Variants in FAM76A observed in about 807,000 individuals in gnomAD.
FAM76A encodes the protein protein FAM76A.
Under a neutral mutation model 46.2 loss-of-function variants are expected in FAM76A, and 32 were observed. That is an observed-to-expected ratio of 0.69 (90% CI 0.52 to 0.93). FAM76A has a LOEUF of 0.93. FAM76A is among the 40% of genes least tolerant of loss of function. FAM76A has a pLI of 0.00. For missense variants in FAM76A, 274 were observed against 361.5 expected (o/e 0.76, Z 1.96); for synonymous variants, 137 against 127.0 (o/e 1.08, Z -0.53).
In FAM76A at chr1:27,727,480, G is replaced by C. The variant is rs748825444; in HGVS notation, c.90G>C (p.Arg30=). The change falls in exon 2 of 9, where the codon CGG becomes CGC. Residue 30 remains arginine (R), a synonymous_variant. Transcript: ENST00000373954. ...TCCTCATTTCATTTCAGGAATGTCG[G>C]ATTGCACACCCTGTTGTGAAGTGCA... ...SQGQQLCKEC[R]IAHPVVKCTY... 1.3e-5 allele frequency: 21 copies of C among 1,613,698 alleles called. 1 individual carries two copies. In the South Asian group the frequency reaches 2.3e-4, roughly 18 times the overall value.
chr1:27,726,184 C>T (rs1001904398), intron 1 of FAM76A, 23 bp downstream of exon 1: 1 of 1,269,530 alleles, frequency 7.9e-7, no homozygotes, highest in Admixed American at 3.7e-5. Flanking sequence ...GGGCGGCGGC[C>T]GGGAACTGGG....
chr1:27,734,477 G>A (rs747292274), intron 4 of FAM76A, among the ~76,000 whole-genome samples: 11 of 152,130 alleles, frequency 7.2e-5, no homozygotes, highest in Non-Finnish European at 1.5e-4. Context: ...AACCCGGGAG[G>A]CAGAGGTTGC....
chr1:27,752,608 C>T lies in FAM76A; in HGVS notation c.600-2587C>T, dbSNP rs1427582709. 2.0e-5 allele frequency among the ~76,000 whole-genome samples: 3 copies of T among 152,290 alleles called. No homozygotes were observed. In the East Asian group the frequency reaches 5.8e-4, roughly 29 times the overall value. ...CTCGTAGTTTCATTTTATTCTCCGTCTGAAATGTGCCTGAAAGATTAATCT... is the reference window on the plus strand; with the variant it reads ...CTCGTAGTTTCATTTTATTCTCCGTTTGAAATGTGCCTGAAAGATTAATCT... On this transcript the variant is annotated intron_variant, in intron 6 of 8. Transcript: ENST00000373954.
rs1571459568 is a variant in FAM76A, at chr1:27,726,053, G to A, written c.-28G>A. On this transcript the variant is annotated 5_prime_UTR_variant, in exon 1 of 9. Transcript: ENST00000373954. ...AGATAAATCGGCGGGCCGGGCCGGC[G>A]GGTCGGTGAGCGCGGCCCGGGCCGG... 27 of 1,247,540 alleles carry A rather than the reference G, an allele frequency of 2.2e-5. No homozygotes were observed. Among genetic ancestry groups the A allele is most frequent in the Non-Finnish European group, 2.3e-5 (23 of 995,100 alleles). 77.3% of individuals were successfully genotyped at this position (1,247,540 alleles called of 1,614,324 possible).
At chr1:27,748,360 G>A (rs185605255) in intron 5 of FAM76A, among the ~76,000 whole-genome samples, 21 of 151,714 alleles carry the variant, frequency 1.4e-4, no homozygotes, top group Admixed American at 1.1e-3. Flanking sequence ...TCCTGACCTC[G>A]TGATCCATCC....
chr1:27,739,794 G>A (rs2088119914), intron 4 of FAM76A, among the ~76,000 whole-genome samples: 3 of 151,886 alleles, frequency 2.0e-5, no homozygotes. Flanking sequence ...TCACAAAAAT[G>A]CATACTTGCT....
At position 27,726,175 on chromosome 1, in the gene FAM76A, G is replaced by A; in HGVS notation, c.81+14G>A. On this transcript the variant is annotated intron_variant, in intron 1 of 8. Coordinates refer to ENST00000373954, the MANE Select transcript of FAM76A (RefSeq NM_152660.3). ...CAGCTGTGCAAGGTGCGCGGGCTGG[G>A]GCGGCGGCCGGGAACTGGGGACGCA... 3 of 1,274,500 alleles carry A rather than the reference G, an allele frequency of 2.4e-6. No homozygotes were observed. Among genetic ancestry groups the A allele is most frequent in the Non-Finnish European group, 3.0e-6 (3 of 1,010,254 alleles). The allele number at this position is 1,274,500 out of a possible 1,614,324, so 78.9% of individuals were successfully genotyped here.
Position 27,744,793 on chromosome 1 carries a change from G to T in FAM76A, c.494G>T (p.Gly165Val). The change falls in exon 5 of 9, where the codon GGT becomes GTT. Residue 165 changes from glycine to valine, a missense_variant. Transcript: ENST00000373954. ...QEKEQYSRLSGGGHYNSQKTL... is the reference protein window; with the variant it reads ...QEKEQYSRLSVGGHYNSQKTL... The stretch of plus-strand genomic sequence containing the variant: ...AAGGAGCAGTATAGTCGCCTGAGTG[G>T]TGGTGGCCATTATAACAGGTAACCT... 2 of 1,614,136 alleles carry T rather than the reference G, an allele frequency of 1.2e-6. No homozygotes were observed. Among genetic ancestry groups the T allele is most frequent in the South Asian group, 1.1e-5 (1 of 91,070 alleles).
chr1:27,731,627 A>G (rs1454310339), intron 2 of FAM76A, among the ~76,000 whole-genome samples: 3 of 152,222 alleles, frequency 2.0e-5, no homozygotes, highest in East Asian at 3.8e-4. Flanking sequence ...CTGAGTTTAT[A>G]TTCCAGACAC....
Position 27,726,153 on chromosome 1 carries a change from C to T in FAM76A, c.73C>T (p.Leu25=). 7.7e-7 allele frequency: 1 copy of T among 1,299,796 alleles called. No homozygotes were observed. The highest frequency in any genetic ancestry group is 9.8e-7 in the Non-Finnish European group (1 of 1,020,058). 80.5% of individuals were successfully genotyped at this position (1,299,796 alleles called of 1,614,324 possible). A position where few individuals can be genotyped will look rare whatever the true frequency, so the allele number is the denominator to read the frequency against. ...CGAGGCGCTGTCTCAGGGGCAGCAG[C>T]TGTGCAAGGTGCGCGGGCTGGGGCG... The part of the protein sequence containing the change: ...PFEALSQGQQ[L]CKECRIAHPV... The change falls in exon 1 of 9, where the codon CTG becomes TTG. Residue 25 remains leucine (L), a synonymous_variant. Coordinates refer to ENST00000373954, the MANE Select transcript of FAM76A (RefSeq NM_152660.3).
In FAM76A at chr1:27,744,801, C is replaced by A; in HGVS notation, c.502C>A (p.His168Asn). ...EQYSRLSGGGHYNSQKTLSTS... is the reference protein window; with the variant it reads ...EQYSRLSGGGNYNSQKTLSTS... Reference sequence around the variant, plus strand: ...GTATAGTCGCCTGAGTGGTGGTGGCCATTATAACAGGTAACCTCAAGACAC... The same window carrying A: ...GTATAGTCGCCTGAGTGGTGGTGGCAATTATAACAGGTAACCTCAAGACAC... Residue 168 changes from histidine (H) to asparagine (N), a missense_variant, in exon 5 of 9, where the codon CAT (histidine) becomes AAT (asparagine). Transcript: ENST00000373954. 3.1e-6 allele frequency: 5 copies of A among 1,613,822 alleles called. No homozygotes were observed. Among genetic ancestry groups the A allele is most frequent in the Non-Finnish European group, 4.2e-6 (5 of 1,179,874 alleles).
intron 2 of FAM76A, among the ~76,000 whole-genome samples, chr1:27,730,499 T>C (rs1353951059): frequency 6.6e-6 from 1 of 151,760 alleles, no homozygotes; most frequent in African/African-American, 2.4e-5. Flanking sequence ...AGTTAGTTTT[T>C]CTTTGCATGT....
rs2088294876 is a variant in FAM76A, at chr1:27,749,203, G to A, written c.599+49G>A. 4 of 1,278,592 alleles carry A rather than the reference G, an allele frequency of 3.1e-6. No homozygotes were observed. In the East Asian group the frequency reaches 9.9e-5, roughly 32 times the overall value. The allele number at this position is 1,278,592 out of a possible 1,614,324, so 79.2% of individuals were successfully genotyped here. A position where few individuals can be genotyped will look rare whatever the true frequency, so the allele number is the denominator to read the frequency against. On this transcript the variant is annotated intron_variant, in intron 6 of 8. Coordinates refer to ENST00000373954, the MANE Select transcript of FAM76A (RefSeq NM_152660.3). ...CGCACACATTTGAAATGCATACACAGTTCCTGAAACAGGAATACATTTAGG... is the reference window on the plus strand; with the variant it reads ...CGCACACATTTGAAATGCATACACAATTCCTGAAACAGGAATACATTTAGG...
At position 27,735,575 on chromosome 1, in the gene FAM76A, A is replaced by G. The variant is rs569073666; in HGVS notation, c.354+1392A>G. The stretch of plus-strand genomic sequence containing the variant: ...AGGATATAACTTTCTATTGACCAGG[A>G]TACTCCTGCCTGCCAACCAGGACAT... On this transcript the variant is annotated intron_variant, in intron 4 of 8. Transcript: ENST00000373954. Among the ~76,000 whole-genome samples, 6 of 152,294 alleles carry G rather than the reference A, an allele frequency of 3.9e-5. No individual in the cohort carries two copies. In the South Asian group the frequency reaches 1.0e-3, roughly 26 times the overall value.
chr1:27,740,304 C>T lies in FAM76A; in HGVS notation c.355-4350C>T, dbSNP rs2088129775. The T allele has an allele frequency of 1.1e-5, 9 of 849,452 alleles. No individual in the cohort carries two copies. The South Asian group carries it at 1.2e-4, about 11-fold the overall frequency. The allele number at this position is 849,452 out of a possible 1,614,324, so 52.6% of individuals were successfully genotyped here. ...GATGAAGGTTGGCCTTACCATCAAA[C>T]CAGGAACTACAGTTGAGTATTTGGC... On this transcript the variant is annotated intron_variant, in intron 4 of 8. Coordinates refer to ENST00000373954, the MANE Select transcript of FAM76A (RefSeq NM_152660.3).
rs183407094 is a variant in FAM76A, at chr1:27,728,456, G to T, written c.146+920G>T. Among the ~76,000 whole-genome samples, 3 of 152,102 alleles carry T rather than the reference G, an allele frequency of 2.0e-5. No homozygotes were observed. In the East Asian group the frequency reaches 5.8e-4, roughly 30 times the overall value. On this transcript the variant is annotated intron_variant, in intron 2 of 8. Coordinates refer to ENST00000373954, the MANE Select transcript of FAM76A (RefSeq NM_152660.3). ...CAGCCTGGACCTCCCGGGCCCAAGT[G>T]ATCCTCCCACCTCAGCCTACCAAGT...
At chr1:27,732,897 T>A (rs117924317) in intron 3 of FAM76A, among the ~76,000 whole-genome samples, 1 of 152,172 alleles carries the variant, frequency 6.6e-6, no homozygotes, top group East Asian at 1.9e-4. Flanking sequence ...GTGACCAGTA[T>A]GGAAAGAGAA....
At chr1:27,758,458 G>A (rs2148588514) in intron 7 of FAM76A, among the ~76,000 whole-genome samples, 1 of 152,246 alleles carries the variant, frequency 6.6e-6, no homozygotes, top group African/African-American at 2.4e-5. Flanking sequence ...GGGACAAGAT[G>A]AACACTTGTT....
intron 3 of FAM76A, 82 bp from the exon 4 acceptor site, chr1:27,733,949 C>T: frequency 1.4e-6 from 2 of 1,386,218 alleles, no homozygotes; most frequent in Non-Finnish European, 2.0e-6. Context: ...TAATGAACTA[C>T]AAAGTAGGAA....
Sources: allele counts gnomAD v4.1 joint callset (sites outside exome capture counted in the v4.1 genomes callset), GRCh38; gene constraint gnomAD v4.1.1; transcripts MANE v1.5; gene names NCBI Gene and HGNC (gene_info 2026-07-23, HGNC 2026-07-21).